RALYL: variants seen among roughly 807,000 people sequenced by gnomAD.
The protein encoded by RALYL is RNA-binding Raly-like protein.
RALYL carries 29 observed loss-of-function variants against 35.1 expected under a neutral mutation model. That is an observed-to-expected ratio of 0.83 (90% CI 0.61 to 1.13). RALYL has a LOEUF of 1.13. RALYL is among the 50% of genes most tolerant of loss of function. The pLI is 0.00. For synonymous variants in RALYL, 120 were observed against 127.6 expected, an observed-to-expected ratio of 0.94 and a Z score of 0.40; for missense variants, 359 against 360.4, an observed-to-expected ratio of 1.00 and a Z score of 0.03.
At chr8:84,462,927 G>A (rs183928294) in intron 1 of RALYL, among the ~76,000 whole-genome samples, 13 of 151,878 alleles carry the variant, frequency 8.6e-5, no homozygotes, top group African/African-American at 2.9e-4. Context: ...TATAACCTGA[G>A]TTATTCATTC....
intron 4 of RALYL, among the ~76,000 whole-genome samples, chr8:84,845,718 C>T (rs145020528): frequency 2.4e-3 from 361 of 151,378 alleles, no homozygotes; most frequent in Non-Finnish European, 3.3e-3. Flanking sequence ...CTTTTGAAAA[C>T]GTAGCCAATA....
At chr8:84,376,917 C>G (rs1182907279) in intron 1 of RALYL, among the ~76,000 whole-genome samples, 1 of 151,766 alleles carries the variant, frequency 6.6e-6, no homozygotes, top group Non-Finnish European at 1.5e-5. Flanking sequence ...ATACTATATA[C>G]AACTCTGGGT....
chr8:84,463,154 T>G (rs1318848921), intron 1 of RALYL, among the ~76,000 whole-genome samples: 1 of 151,994 alleles, frequency 6.6e-6, no homozygotes, highest in Non-Finnish European at 1.5e-5. Context: ...ACATTCCTAA[T>G]GTGACATTGA....
intron 1 of RALYL, among the ~76,000 whole-genome samples, chr8:84,274,604 A>T (rs1834995899): frequency 6.6e-6 from 1 of 152,194 alleles, no homozygotes; most frequent in Non-Finnish European, 1.5e-5. Context: ...CAGAGGTGAC[A>T]TTAATAAAAC....
intron 1 of RALYL, among the ~76,000 whole-genome samples, chr8:84,229,085 G>A (rs900692516): frequency 1.3e-5 from 2 of 152,070 alleles, no homozygotes; most frequent in Non-Finnish European, 2.9e-5. Context: ...TTCATCTCTG[G>A]CTATTCATTC....
chr8:84,884,522 C>T (rs200400779), intron 7 of RALYL, among the ~76,000 whole-genome samples: 37 of 114,378 alleles, frequency 3.2e-4, no homozygotes, highest in African/African-American at 1.4e-3. Context: ...CACACATATA[C>T]ACACACATAT....
chr8:84,810,378 T>G (rs928182955), intron 4 of RALYL, among the ~76,000 whole-genome samples: 2 of 152,174 alleles, frequency 1.3e-5, no homozygotes, highest in African/African-American at 4.8e-5. Flanking sequence ...TTCCTAAATT[T>G]ATTGAGGCTC....
intron 2 of RALYL, among the ~76,000 whole-genome samples, chr8:84,700,989 A>G (rs1306749406): frequency 2.0e-5 from 3 of 152,174 alleles, no homozygotes; most frequent in Non-Finnish European, 1.5e-5. Context: ...AGGTGTTTCA[A>G]AAGAAGGAAG....
chr8:84,436,705 A>G (rs952081277), intron 1 of RALYL, among the ~76,000 whole-genome samples: 4 of 151,394 alleles, frequency 2.6e-5, no homozygotes, highest in African/African-American at 7.3e-5. Flanking sequence ...TTTAATCTAT[A>G]TAATTTGATG....
chr8:84,468,993 A>G (rs1262304339), intron 1 of RALYL, among the ~76,000 whole-genome samples: 2 of 151,312 alleles, frequency 1.3e-5, no homozygotes, highest in Admixed American at 1.3e-4. Flanking sequence ...TTTCAGCTCC[A>G]TCAGCTCCTT....
At chr8:84,842,344 A>G (rs1167954774) in intron 4 of RALYL, among the ~76,000 whole-genome samples, 2 of 152,232 alleles carry the variant, frequency 1.3e-5, no homozygotes, top group East Asian at 1.9e-4. Flanking sequence ...AAACACCTCT[A>G]CGCAAATAAA....
chr8:84,372,528 G>A (rs553856212), intron 1 of RALYL, among the ~76,000 whole-genome samples: 1 of 151,984 alleles, frequency 6.6e-6, no homozygotes, highest in South Asian at 2.1e-4. Context: ...ACTTGAGGCT[G>A]GGAGTTTGAT....
intron 1 of RALYL, among the ~76,000 whole-genome samples, chr8:84,385,861 G>A (rs1450106552): frequency 2.0e-5 from 3 of 151,760 alleles, no homozygotes; most frequent in African/African-American, 7.3e-5. Flanking sequence ...TAGTTGCCAA[G>A]GTTCACCATG....
intron 2 of RALYL, among the ~76,000 whole-genome samples, chr8:84,567,334 A>C (rs1189509033): frequency 1.3e-5 from 2 of 151,772 alleles, no homozygotes; most frequent in African/African-American, 2.4e-5. Context: ...TGTTGTACCC[A>C]GTAGGTAATT....
intron 8 of RALYL, among the ~76,000 whole-genome samples, chr8:84,900,410 C>T (rs1845470500): frequency 6.6e-6 from 1 of 152,142 alleles, no homozygotes; most frequent in Non-Finnish European, 1.5e-5. Flanking sequence ...GGTGCGGTGG[C>T]TCACGTCTGT....
At chr8:84,354,885 C>G (rs933890070) in intron 1 of RALYL, among the ~76,000 whole-genome samples, 3 of 150,288 alleles carry the variant, frequency 2.0e-5, no homozygotes, top group Non-Finnish European at 4.4e-5. Context: ...CACAAAATAG[C>G]TCTACCTGGG....
At chr8:84,687,958 T>A (rs116123425) in intron 2 of RALYL, among the ~76,000 whole-genome samples, 2 of 152,096 alleles carry the variant, frequency 1.3e-5, no homozygotes, top group African/African-American at 4.8e-5. Context: ...AGAAATAATA[T>A]GAGAAAGATA....
At chr8:84,428,395 T>C (rs1587147297) in intron 1 of RALYL, among the ~76,000 whole-genome samples, 1 of 152,268 alleles carries the variant, frequency 6.6e-6, no homozygotes, top group Non-Finnish European at 1.5e-5. Flanking sequence ...TAATGTGGGG[T>C]ATGAAAAATT....
chr8:84,821,879 GA>G (rs1828605466), intron 4 of RALYL, among the ~76,000 whole-genome samples: 1 of 152,092 alleles, frequency 6.6e-6, no homozygotes, highest in Admixed American at 6.6e-5. Flanking sequence ...ATATTAAAAT[GA>G]AAAGTCAATC....
Sources: gnomAD v4.1 joint callset for allele counts (sites outside exome capture counted in the v4.1 genomes callset) on GRCh38, gnomAD v4.1.1 for gene constraint, MANE v1.5 for transcripts, NCBI Gene and HGNC (gene_info 2026-07-23, HGNC 2026-07-21) for gene names.